Variants in FAT3 observed in about 807,000 individuals in gnomAD.
The protein encoded by FAT3 is FAT atypical cadherin 3, also known as protocadherin Fat 3.
FAT3 carries 95 observed loss-of-function variants against 310.2 expected under a neutral mutation model. That is an observed-to-expected ratio of 0.31 (90% CI 0.26 to 0.36). The LOEUF (loss-of-function observed/expected upper bound fraction) is 0.36. Among genes scored for constraint, FAT3 ranks in the 10% least tolerant of loss-of-function variants. FAT3 has a pLI of 1.00. For synonymous variants in FAT3, 2,314 were observed against 2,192.9 expected, an observed-to-expected ratio of 1.06 and a Z score of -1.54; for missense variants, 5,408 against 5,715.6, an observed-to-expected ratio of 0.95 and a Z score of 1.74.
intron 3 of FAT3, among the ~76,000 whole-genome samples, chr11:92,677,167 T>G (rs966248471): frequency 6.6e-6 from 1 of 152,246 alleles, no homozygotes; most frequent in African/African-American, 2.4e-5. Context: ...AGCCTTGTTC[T>G]CTGCGCTCTA....
intron 1 of FAT3, among the ~76,000 whole-genome samples, chr11:92,232,716 G>T (rs1161548385): frequency 6.8e-6 from 1 of 146,462 alleles, no homozygotes; most frequent in African/African-American, 2.5e-5. Context: ...TTTCCATGGA[G>T]TGGACGCATG....
intron 3 of FAT3, among the ~76,000 whole-genome samples, chr11:92,665,519 G>T (rs1942922023): frequency 6.6e-6 from 1 of 152,188 alleles, no homozygotes. Flanking sequence ...CCTAGAGGTA[G>T]TTCTTCTAGA....
intron 1 of FAT3, among the ~76,000 whole-genome samples, chr11:92,286,797 A>G (rs2134381261): frequency 6.6e-6 from 1 of 152,300 alleles, no homozygotes; most frequent in East Asian, 1.9e-4. Context: ...GGTAGTTTAG[A>G]CTGCATTAGG....
chr11:92,717,240 A>AT (rs1944719282), intron 4 of FAT3, among the ~76,000 whole-genome samples: 1 of 152,206 alleles, frequency 6.6e-6, no homozygotes, highest in South Asian at 2.1e-4. Flanking sequence ...TTCAATAACT[A>AT]TTTTGCTCAA....
intron 13 of FAT3, among the ~76,000 whole-genome samples, chr11:92,828,466 T>G (rs1948154525): frequency 6.6e-6 from 1 of 152,054 alleles, no homozygotes; most frequent in Non-Finnish European, 1.5e-5. Context: ...GTCCTGGGTC[T>G]CCCCCACCCC....
In FAT3 at chr11:92,895,518, C is replaced by A. The variant is rs1248113671; in HGVS notation, c.*4405C>A. The A allele has an allele frequency of 6.6e-6, 1 of 152,130 alleles. No individual in the cohort carries two copies. Among genetic ancestry groups the A allele is most frequent in the Admixed American group, 6.5e-5 (1 of 15,270 alleles). 9.4% of individuals were successfully genotyped at this position (152,130 alleles called of 1,614,324 possible). On this transcript the variant is annotated 3_prime_UTR_variant, in exon 28 of 28. Coordinates refer to ENST00000525166, the MANE Select transcript of FAT3 (RefSeq NM_001367949.2). The stretch of plus-strand genomic sequence containing the variant: ...TTAGTCTCTTCTAGTGTTTAGAATG[C>A]ACTTGAGAATCGTAGAGTCATTTGG...
intron 3 of FAT3, among the ~76,000 whole-genome samples, chr11:92,641,668 T>A (rs191109034): frequency 6.6e-6 from 1 of 152,370 alleles, no homozygotes; most frequent in East Asian, 1.9e-4. Context: ...TAATCTAGGA[T>A]GATCTCATCT....
At chr11:92,678,570 C>T (rs1413834155) in intron 3 of FAT3, among the ~76,000 whole-genome samples, 1 of 152,118 alleles carries the variant, frequency 6.6e-6, no homozygotes, top group African/African-American at 2.4e-5. Flanking sequence ...GAGAAACTTT[C>T]AACTGATAGC....
intron 3 of FAT3, among the ~76,000 whole-genome samples, chr11:92,546,687 CTTG>C (rs751491977): frequency 3.0e-4 from 46 of 152,072 alleles, no homozygotes; most frequent in Non-Finnish European, 5.6e-4. Flanking sequence ...AAATTATATT[CTTG>C]TTGTTTGGAT....
chr11:92,716,378 T>A (rs376542252), intron 4 of FAT3, among the ~76,000 whole-genome samples: 47 of 152,246 alleles, frequency 3.1e-4, no homozygotes, highest in African/African-American at 1.1e-3. Context: ...ACTGCCTAAT[T>A]AGCTCTTTCT....
At chr11:92,264,792 G>T (rs1041951216) in intron 1 of FAT3, among the ~76,000 whole-genome samples, 1 of 152,084 alleles carries the variant, frequency 6.6e-6, no homozygotes, top group Non-Finnish European at 1.5e-5. Context: ...CCGTACCTGG[G>T]CTTCACTGAC....
intron 7 of FAT3, among the ~76,000 whole-genome samples, chr11:92,780,186 G>T (rs1288663901): frequency 7.2e-6 from 1 of 139,596 alleles, no homozygotes; most frequent in Admixed American, 7.6e-5. Context: ...TTCCAGGACA[G>T]GGTCTCACTC....
At chr11:92,448,406 G>C (rs1266922857) in intron 2 of FAT3, among the ~76,000 whole-genome samples, 2 of 152,066 alleles carry the variant, frequency 1.3e-5, no homozygotes, top group Admixed American at 1.3e-4. Flanking sequence ...CATTATGATT[G>C]ATAGGTCCTA....
At chr11:92,394,085 A>G (rs1405572195) in intron 2 of FAT3, among the ~76,000 whole-genome samples, 1 of 152,210 alleles carries the variant, frequency 6.6e-6, no homozygotes. Flanking sequence ...GGAGGTGCTC[A>G]GTAATTCACT....
chr11:92,841,011 C>T (rs1392888852), intron 18 of FAT3, among the ~76,000 whole-genome samples: 1 of 152,196 alleles, frequency 6.6e-6, no homozygotes, highest in Non-Finnish European at 1.5e-5. Flanking sequence ...AACAGATGGT[C>T]ACTGGGCTTA....
At chr11:92,480,330 A>T (rs891147607) in intron 2 of FAT3, among the ~76,000 whole-genome samples, 2 of 152,318 alleles carry the variant, frequency 1.3e-5, no homozygotes, top group East Asian at 1.9e-4. Context: ...GTTCAAAGAC[A>T]GTATATTTTG....
chr11:92,251,679 A>G (rs946109659), intron 1 of FAT3, among the ~76,000 whole-genome samples: 1 of 151,788 alleles, frequency 6.6e-6, no homozygotes, highest in African/African-American at 2.4e-5. Context: ...TTTTTTAATT[A>G]TGAATGACTT....
intron 4 of FAT3, among the ~76,000 whole-genome samples, chr11:92,704,922 A>G (rs1245288787): frequency 1.3e-5 from 2 of 152,194 alleles, no homozygotes; most frequent in African/African-American, 4.8e-5. Flanking sequence ...ATACAGTAGA[A>G]AAACCTCTGT....
At chr11:92,865,865 G>A (rs1001180069) in intron 21 of FAT3, among the ~76,000 whole-genome samples, 6 of 152,200 alleles carry the variant, frequency 3.9e-5, no homozygotes, top group Non-Finnish European at 8.8e-5. Flanking sequence ...AGCCTCCCGG[G>A]CGCAGTGATG....
Sources: gnomAD v4.1 joint callset for allele counts (sites outside exome capture counted in the v4.1 genomes callset) on GRCh38, gnomAD v4.1.1 for gene constraint, MANE v1.5 for transcripts, NCBI Gene and HGNC (gene_info 2026-07-23, HGNC 2026-07-21) for gene names.